Variants in KCNN2 observed in about 807,000 individuals in gnomAD.
KCNN2 encodes the protein small conductance calcium-activated potassium channel protein 2.
Under a neutral mutation model 55.5 loss-of-function variants are expected in KCNN2, and 24 were observed. The observed-to-expected ratio is 0.43, with a 90% confidence interval of 0.31 to 0.61. The LOEUF (loss-of-function observed/expected upper bound fraction) is 0.61, where lower values mean the gene tolerates loss of function less well. Among genes scored for constraint, KCNN2 ranks in the 20% least tolerant of loss-of-function variants. The pLI is 0.08. For missense variants in KCNN2, 754 were observed against 853.6 expected, an observed-to-expected ratio of 0.88 and a Z score of 1.45; for synonymous variants, 431 against 336.1, an observed-to-expected ratio of 1.28 and a Z score of -3.09.
chr5:114,104,946 A>G (rs1216894979), intron 1 of KCNN2, among the ~76,000 whole-genome samples: 1 of 152,028 alleles, frequency 6.6e-6, no homozygotes, highest in Non-Finnish European at 1.5e-5. Context: ...AAGAGGCACA[A>G]TGAAAAGCTG....
At chr5:114,093,964 A>C (rs1395230177) in intron 1 of KCNN2, among the ~76,000 whole-genome samples, 2 of 152,218 alleles carry the variant, frequency 1.3e-5, no homozygotes, top group Non-Finnish European at 2.9e-5. Flanking sequence ...CTGTAAGGTT[A>C]AGGAACCAAT....
chr5:114,211,690 G>A (rs1753888766), intron 1 of KCNN2, among the ~76,000 whole-genome samples: 2 of 152,156 alleles, frequency 1.3e-5, no homozygotes, highest in South Asian at 4.2e-4. Flanking sequence ...ACCTGTGCAT[G>A]TACCCTGTAT....
intron 2 of KCNN2, among the ~76,000 whole-genome samples, chr5:114,385,499 G>T (rs1758248888): frequency 7.0e-6 from 1 of 143,670 alleles, no homozygotes; most frequent in African/African-American, 2.6e-5. Flanking sequence ...ATTGTTTATT[G>T]ACAGCATACA....
intron 3 of KCNN2, among the ~76,000 whole-genome samples, chr5:114,418,821 T>G (rs1167468350): frequency 1.3e-5 from 2 of 152,208 alleles, no homozygotes; most frequent in Non-Finnish European, 2.9e-5. Flanking sequence ...ATTGCTCCTT[T>G]TGGAAATGCA....
chr5:114,437,067 A>G (rs112294743), intron 3 of KCNN2, among the ~76,000 whole-genome samples: 1 of 151,736 alleles, frequency 6.6e-6, no homozygotes, highest in Non-Finnish European at 1.5e-5. Context: ...GTGTGTGTGT[A>G]TGCGTGCATG....
chr5:114,077,852 G>C (rs901433396), intron 1 of KCNN2, among the ~76,000 whole-genome samples: 1 of 152,192 alleles, frequency 6.6e-6, no homozygotes, highest in Non-Finnish European at 1.5e-5. Flanking sequence ...GGGTGGTGAA[G>C]ACTTGCTCTT....
At chr5:114,300,558 A>C (rs920759752) in intron 2 of KCNN2, among the ~76,000 whole-genome samples, 1 of 152,238 alleles carries the variant, frequency 6.6e-6, no homozygotes, top group Non-Finnish European at 1.5e-5. Context: ...TCATAAATGT[A>C]GTGAGACCAG....
intron 1 of KCNN2, among the ~76,000 whole-genome samples, chr5:114,170,090 A>C (rs892548910): frequency 6.6e-6 from 1 of 152,094 alleles, no homozygotes. Flanking sequence ...ATTGTCATTC[A>C]ATAATTATCA....
intron 2 of KCNN2, among the ~76,000 whole-genome samples, chr5:114,275,193 C>T (rs935395038): frequency 7.2e-5 from 11 of 152,092 alleles, no homozygotes; most frequent in Admixed American, 1.3e-4. Flanking sequence ...CTGACTTGAT[C>T]GTGGTGGATA....
rs550823672 is a variant in KCNN2 at position 114,432,877 on chromosome 5, C to T, written c.1637+28021C>T. 5.9e-5 allele frequency among the ~76,000 whole-genome samples: 9 copies of T among 152,342 alleles called. No homozygotes were observed. In the East Asian group the frequency reaches 7.7e-4, roughly 13 times the overall value. On this transcript the variant is annotated intron_variant, in intron 3 of 7. Transcript: ENST00000673685. ...TCCCCCAGCAGTGCCAGCTCACCAG[C>T]GCTGCGCTTGATTTCTCACTGGGCC...
At chr5:114,248,067 T>A (rs1754782080) in intron 2 of KCNN2, among the ~76,000 whole-genome samples, 1 of 152,222 alleles carries the variant, frequency 6.6e-6, no homozygotes, top group Non-Finnish European at 1.5e-5. Context: ...ATGTTCAACA[T>A]GTTGCCTTCC....
At chr5:114,171,961 C>T (rs1388768568) in intron 1 of KCNN2, among the ~76,000 whole-genome samples, 1 of 151,960 alleles carries the variant, frequency 6.6e-6, no homozygotes, top group South Asian at 2.1e-4. Context: ...ATGGAGCCCT[C>T]TTGTTGTGAT....
intron 1 of KCNN2, among the ~76,000 whole-genome samples, chr5:114,115,174 AT>A (rs776433882): frequency 5.9e-5 from 9 of 152,266 alleles, no homozygotes; most frequent in African/African-American, 1.2e-4. Flanking sequence ...ATTCCATATG[AT>A]TGATTTTATT....
At chr5:114,281,699 G>C (rs1031428223) in intron 2 of KCNN2, among the ~76,000 whole-genome samples, 3 of 137,154 alleles carry the variant, frequency 2.2e-5, no homozygotes, top group Non-Finnish European at 4.9e-5. Context: ...TGCAGCAAAG[G>C]TACTTCTAGC....
upstream of KCNN2, among the ~76,000 whole-genome samples, chr5:114,357,543 T>C (rs1757318437): frequency 7.7e-6 from 1 of 129,152 alleles, no homozygotes; most frequent in African/African-American, 3.0e-5. Context: ...AGTGAGAATA[T>C]GCGGTGTTTG....
At chr5:114,175,147 T>A (rs1427812110) in intron 1 of KCNN2, among the ~76,000 whole-genome samples, 1 of 152,304 alleles carries the variant, frequency 6.6e-6, no homozygotes. Context: ...CTAAAAAGAT[T>A]AGAATGATTA....
intron 2 of KCNN2, among the ~76,000 whole-genome samples, chr5:114,226,900 C>CAAAAA (rs34719469): frequency 2.3e-5 from 2 of 86,760 alleles, no homozygotes; most frequent in Non-Finnish European, 4.3e-5. Context: ...GACTCCGTCT[C>CAAAAA]AAAAAAAAAA....
intron 1 of KCNN2, among the ~76,000 whole-genome samples, chr5:114,110,701 C>T (rs553706569): frequency 9.9e-5 from 15 of 152,060 alleles, no homozygotes; most frequent in East Asian, 3.9e-4. Flanking sequence ...TAAAATGCCT[C>T]GTGCCTTAGT....
At chr5:114,444,601 T>G (rs1437525348) in intron 3 of KCNN2, among the ~76,000 whole-genome samples, 1 of 152,080 alleles carries the variant, frequency 6.6e-6, no homozygotes, top group Non-Finnish European at 1.5e-5. Flanking sequence ...GTTCCTTGAT[T>G]TGAGGGATGA....
Sources: gnomAD v4.1 joint callset for allele counts (sites outside exome capture counted in the v4.1 genomes callset) on GRCh38, gnomAD v4.1.1 for gene constraint, MANE v1.5 for transcripts, NCBI Gene and HGNC (gene_info 2026-07-23, HGNC 2026-07-21) for gene names.